MYCBP2: variants seen among roughly 807,000 people sequenced by gnomAD.
MYCBP2 encodes E3 ubiquitin-protein ligase MYCBP2.
Under a neutral mutation model 525.3 loss-of-function variants are expected in MYCBP2, and 120 were observed. That is an observed-to-expected ratio of 0.23 (90% confidence interval 0.20 to 0.27). The LOEUF (loss-of-function observed/expected upper bound fraction) is 0.27. Ranked by LOEUF, MYCBP2 falls within the 10% of genes least tolerant of loss-of-function variation. MYCBP2 has a pLI of 1.00. For synonymous variants in MYCBP2, 1,894 were observed against 1,955.8 expected (o/e 0.97, Z 0.83); for missense variants, 4,149 against 5,657.1 (o/e 0.73, Z 8.55).
intron 55 of MYCBP2, among the ~76,000 whole-genome samples, chr13:77,116,330 T>C (rs2049754883): frequency 6.6e-6 from 1 of 151,946 alleles, no homozygotes; most frequent in Admixed American, 6.6e-5. Context: ...TTCTAAAGCA[T>C]AGGTGATATA....
Position 77,064,744 on chromosome 13 carries a change from A to G in MYCBP2, c.12553-10T>C. On this transcript the variant is annotated splice_polypyrimidine_tract_variant and intron_variant, in intron 72 of 82. Transcript: ENST00000544440. ...CTTCTGACAGATGACCCTATTGAGC[A>G]GAACAGAGTATTTTAATAAGTGACC... The G allele has an allele frequency of 1.2e-6, 2 of 1,604,958 alleles. No individual in the cohort carries two copies. Among genetic ancestry groups the G allele is most frequent in the Non-Finnish European group, 1.7e-6 (2 of 1,176,104 alleles).
Position 77,189,053 on chromosome 13 carries a change from G to C in MYCBP2, c.4155-6C>G. On this transcript the variant is annotated splice_polypyrimidine_tract_variant and splice_region_variant and intron_variant, in intron 29 of 82. Transcript: ENST00000544440. The stretch of plus-strand genomic sequence containing the variant: ...TGCCATCACTGGTTGGAAGTCTAAA[G>C]GCAGTAGACACATATAAAATTATGT... 1 of 1,587,900 alleles carries C rather than the reference G, an allele frequency of 6.3e-7. No individual in the cohort carries two copies. Among genetic ancestry groups the C allele is most frequent in the Non-Finnish European group, 8.6e-7 (1 of 1,166,436 alleles).
At chr13:77,218,455 C>T (rs754069015) in intron 20 of MYCBP2, among the ~76,000 whole-genome samples, 2 of 152,142 alleles carry the variant, frequency 1.3e-5, no homozygotes, top group Non-Finnish European at 2.9e-5. Flanking sequence ...TCATGAGAGG[C>T]ATTAGAGCAG....
chr13:77,216,250 A>G (rs2064810779), intron 21 of MYCBP2, among the ~76,000 whole-genome samples: 2 of 152,228 alleles, frequency 1.3e-5, no homozygotes, highest in African/African-American at 4.8e-5. Flanking sequence ...GTCTATACCA[A>G]TAATAAGTAG....
intron 1 of MYCBP2, among the ~76,000 whole-genome samples, chr13:77,304,698 A>G (rs2079187759): frequency 6.6e-6 from 1 of 152,164 alleles, no homozygotes; most frequent in African/African-American, 2.4e-5. Flanking sequence ...CATTGTAAAC[A>G]TGTATCAAAA....
At chr13:77,176,668 CTTAAT>C in intron 35 of MYCBP2, 40 bp from the exon 36 acceptor site, 1 of 1,430,954 alleles carries the variant, frequency 7.0e-7, no homozygotes, top group South Asian at 1.7e-5. Flanking sequence ...CCAACAGACT[CTTAAT>C]TTTATTGTAT....
intron 2 of MYCBP2, among the ~76,000 whole-genome samples, chr13:77,292,958 C>CAAAAAAAAAAAAAAA (rs548135428): frequency 4.9e-5 from 3 of 61,256 alleles, no homozygotes; most frequent in Admixed American, 3.3e-4. Context: ...GACTCCGTCT[C>CAAAAAAAAAAAAAAA]AAAAAAAAAA....
intron 44 of MYCBP2, among the ~76,000 whole-genome samples, chr13:77,160,066 T>G (rs1186698734): frequency 1.1e-5 from 1 of 88,836 alleles, no homozygotes; most frequent in Non-Finnish European, 2.3e-5. Context: ...AATCACAAAC[T>G]TTTTTTTTTT....
intron 37 of MYCBP2, among the ~76,000 whole-genome samples, chr13:77,172,806 A>G (rs1474307498): frequency 6.6e-6 from 1 of 152,222 alleles, no homozygotes; most frequent in Admixed American, 6.5e-5. Context: ...AACATCCTTA[A>G]AGAGAAAGTG....
intron 27 of MYCBP2, 80 bp downstream of exon 27, chr13:77,194,072 TA>T (rs1204285675): frequency 2.4e-6 from 2 of 847,698 alleles, no homozygotes; most frequent in Non-Finnish European, 1.8e-6. Context: ...AACTTCCTTT[TA>T]AAGTATGTTT....
Position 77,146,110 on chromosome 13 carries a change from C to T in MYCBP2, c.7187+52G>A, listed in dbSNP as rs563392937. ...TTGAAATGCAGGATGATTTTAGTTG[C>T]AAGCAGCTGACAACACATGTTTTGG... On this transcript the variant is annotated intron_variant, in intron 48 of 82. Transcript: ENST00000544440. 2.6e-5 allele frequency: 31 copies of T among 1,198,616 alleles called. No homozygotes were observed. In the East Asian group the frequency reaches 5.1e-4, roughly 20 times the overall value. The allele number at this position is 1,198,616 out of a possible 1,614,324, so 74.2% of individuals were successfully genotyped here.
chr13:77,226,671 T>C (rs1238949387), intron 18 of MYCBP2, among the ~76,000 whole-genome samples: 1 of 152,254 alleles, frequency 6.6e-6, no homozygotes, highest in East Asian at 1.9e-4. Flanking sequence ...TAAATCATTT[T>C]GTGTTTATTC....
intron 68 of MYCBP2, chr13:77,075,433 T>TACA (rs2042112496): frequency 1.3e-5 from 2 of 152,172 alleles, no homozygotes; most frequent in African/African-American, 4.8e-5. Flanking sequence ...GCATACACTC[T>TACA]CCCACCCTTA....
rs1027585870 is a variant in MYCBP2 at position 77,168,357 on chromosome 13, T to C, written c.6114+71A>G. 7 of 1,280,108 alleles carry C rather than the reference T, an allele frequency of 5.5e-6. No homozygotes were observed. In the Admixed American group the frequency reaches 7.2e-5, roughly 13 times the overall value. The allele number at this position is 1,280,108 out of a possible 1,614,324, so 79.3% of individuals were successfully genotyped here. A position where few individuals can be genotyped will look rare whatever the true frequency, so the allele number is the denominator to read the frequency against. On this transcript the variant is annotated intron_variant, in intron 40 of 82. Coordinates refer to ENST00000544440, the MANE Select transcript of MYCBP2 (RefSeq NM_015057.5). ...TACACTTGTAAATACAGGCCAGGCA[T>C]TCTTTAAGATATCATCAGAGAACCT... is the stretch of plus-strand genomic sequence containing the variant.
At chr13:77,317,698 G>A (rs993512667) in intron 1 of MYCBP2, among the ~76,000 whole-genome samples, 1 of 152,160 alleles carries the variant, frequency 6.6e-6, no homozygotes, top group Non-Finnish European at 1.5e-5. Flanking sequence ...CAGCACTTTG[G>A]GAGGCTGACG....
At chr13:77,108,407 A>G (rs568306251) in intron 55 of MYCBP2, among the ~76,000 whole-genome samples, 1 of 152,296 alleles carries the variant, frequency 6.6e-6, no homozygotes, top group South Asian at 2.1e-4. Flanking sequence ...CCTTAGAAAG[A>G]ATAACTTCAA....
intron 26 of MYCBP2, among the ~76,000 whole-genome samples, chr13:77,201,254 TA>T (rs1259560899): frequency 2.0e-5 from 3 of 148,982 alleles, no homozygotes; most frequent in Admixed American, 6.7e-5. Flanking sequence ...TAGTCTCTGA[TA>T]AAACAGACTT....
At chr13:77,268,352 TATA>T (rs1257737309) in intron 7 of MYCBP2, among the ~76,000 whole-genome samples, 1 of 152,236 alleles carries the variant, frequency 6.6e-6, no homozygotes, top group Non-Finnish European at 1.5e-5. Flanking sequence ...AACACACTGC[TATA>T]ATAATATACT....
chr13:77,224,486 C>T lies in MYCBP2; in HGVS notation c.2904G>A (p.Gln968=). Residue 968 remains glutamine, a synonymous_variant, in exon 20 of 83, where the codon CAG becomes CAA. Transcript: ENST00000544440. ...CATCTCCATGTCCTAGCTGCCCATG[C>T]TGCCCATAACCAAATGTATAGACAT... The part of the protein sequence containing the change: ...NGDVYTFGYG[Q]HGQLGHGDVN... 1 of 1,610,302 alleles carries T rather than the reference C, an allele frequency of 6.2e-7. No homozygotes were observed. The highest frequency in any genetic ancestry group is 8.5e-7 in the Non-Finnish European group (1 of 1,177,954).
Sources: allele counts gnomAD v4.1 joint callset (sites outside exome capture counted in the v4.1 genomes callset), GRCh38; gene constraint gnomAD v4.1.1; transcripts MANE v1.5; gene names NCBI Gene and HGNC (gene_info 2026-07-23, HGNC 2026-07-21).